The following SGCZ variants were observed in gnomAD, a reference collection of about 807,000 sequenced individuals.
The protein encoded by SGCZ is sarcoglycan zeta.
SGCZ carries 40 observed loss-of-function variants against 41.3 expected under a neutral mutation model. The observed-to-expected ratio is 0.97, with a 90% CI of 0.75 to 1.26. The LOEUF (loss-of-function observed/expected upper bound fraction) is 1.26. Among genes scored for constraint, SGCZ ranks in the 50% most tolerant of loss-of-function variants. The pLI, the probability that SGCZ is intolerant of heterozygous loss-of-function variation, is 0.00. For missense variants in SGCZ, 552 were observed against 369.8 expected (o/e 1.49, Z -4.04); for synonymous variants, 206 against 137.5 (o/e 1.50, Z -3.49).
At chr8:14,647,787 A>T (rs12155595) in intron 1 of SGCZ, among the ~76,000 whole-genome samples, 1 of 151,826 alleles carries the variant, frequency 6.6e-6, no homozygotes, top group Non-Finnish European at 1.5e-5. Flanking sequence ...GTGGGCAATG[A>T]CATCAAGATG....
chr8:14,760,288 T>A (rs1799820063), intron 1 of SGCZ, among the ~76,000 whole-genome samples: 1 of 152,194 alleles, frequency 6.6e-6, no homozygotes, highest in African/African-American at 2.4e-5. Context: ...AGAAAATCAT[T>A]ACACAACACC....
intron 1 of SGCZ, among the ~76,000 whole-genome samples, chr8:15,015,079 T>G (rs1476230912): frequency 2.0e-5 from 3 of 151,756 alleles, no homozygotes; most frequent in Non-Finnish European, 2.9e-5. Context: ...CCATCTCTAC[T>G]AAAAAATGCA....
At chr8:14,858,996 G>C (rs772145759) in intron 1 of SGCZ, among the ~76,000 whole-genome samples, 16 of 151,928 alleles carry the variant, frequency 1.1e-4, no homozygotes, top group African/African-American at 2.2e-4. Flanking sequence ...TTGAAAAAAA[G>C]ACCTAATATT....
At chr8:14,292,046 G>A (rs1253130091) in intron 3 of SGCZ, among the ~76,000 whole-genome samples, 2 of 151,966 alleles carry the variant, frequency 1.3e-5, no homozygotes, top group African/African-American at 4.8e-5. Context: ...TGTAATAGGT[G>A]GAAGCTTCTT....
intron 4 of SGCZ, among the ~76,000 whole-genome samples, chr8:14,221,885 CG>C (rs1806207548): frequency 6.6e-6 from 1 of 151,586 alleles, no homozygotes; most frequent in Non-Finnish European, 1.5e-5. Context: ...CGCTTGAACC[CG>C]GGAGGTGGAG....
intron 2 of SGCZ, among the ~76,000 whole-genome samples, chr8:14,422,859 T>A (rs1799671912): frequency 6.6e-6 from 1 of 152,126 alleles, no homozygotes; most frequent in African/African-American, 2.4e-5. Flanking sequence ...AGACCTCGTC[T>A]TTCTGAAAAA....
chr8:14,188,852 A>G (rs1409681000), intron 4 of SGCZ, among the ~76,000 whole-genome samples: 4 of 116,356 alleles, frequency 3.4e-5, no homozygotes, highest in African/African-American at 1.0e-4. Flanking sequence ...GTTTTTTGAG[A>G]TGGAGTTTCG....
intron 2 of SGCZ, among the ~76,000 whole-genome samples, chr8:14,336,871 G>A (rs1456446110): frequency 6.6e-6 from 1 of 152,078 alleles, no homozygotes; most frequent in African/African-American, 2.4e-5. Flanking sequence ...ATGGAAATCT[G>A]TATCTCATCC....
intron 1 of SGCZ, among the ~76,000 whole-genome samples, chr8:14,974,326 C>A (rs552521183): frequency 6.6e-6 from 1 of 152,222 alleles, no homozygotes; most frequent in African/African-American, 2.4e-5. Context: ...ATTTCTGTAA[C>A]TCCATTTTGT....
intron 1 of SGCZ, among the ~76,000 whole-genome samples, chr8:14,563,295 T>C (rs1393132763): frequency 6.6e-6 from 1 of 152,164 alleles, no homozygotes; most frequent in Non-Finnish European, 1.5e-5. Context: ...TTATTTTTAT[T>C]TTCTAAAATG....
At chr8:14,225,283 A>G (rs1806333631) in intron 4 of SGCZ, among the ~76,000 whole-genome samples, 1 of 152,064 alleles carries the variant, frequency 6.6e-6, no homozygotes, top group African/African-American at 2.4e-5. Context: ...GCTATTCTAA[A>G]TGATCTGCTG....
chr8:15,015,917 C>A (rs1803015493), intron 1 of SGCZ, among the ~76,000 whole-genome samples: 1 of 151,940 alleles, frequency 6.6e-6, no homozygotes, highest in African/African-American at 2.4e-5. Context: ...TCCATATCTC[C>A]TTTTTCATTT....
intron 2 of SGCZ, among the ~76,000 whole-genome samples, chr8:14,496,653 A>C (rs1801996444): frequency 6.6e-6 from 1 of 152,098 alleles, no homozygotes; most frequent in Non-Finnish European, 1.5e-5. Flanking sequence ...TTATTTTTTG[A>C]GACATTATCA....
chr8:14,163,208 T>A (rs149389031), intron 5 of SGCZ, among the ~76,000 whole-genome samples: 2 of 152,180 alleles, frequency 1.3e-5, no homozygotes. Flanking sequence ...ATGTGAAGGT[T>A]TGTTACAGAG....
intron 2 of SGCZ, among the ~76,000 whole-genome samples, chr8:14,489,287 G>C (rs909226832): frequency 2.0e-5 from 3 of 151,960 alleles, no homozygotes; most frequent in African/African-American, 7.2e-5. Flanking sequence ...CATTCACTGT[G>C]TCTACAATTT....
chr8:14,243,969 C>G (rs1381026379), intron 3 of SGCZ, among the ~76,000 whole-genome samples: 2 of 152,144 alleles, frequency 1.3e-5, no homozygotes. Flanking sequence ...CTCATACAGA[C>G]TTTTAAAAGT....
At chr8:14,873,707 G>T (rs1175282875) in intron 1 of SGCZ, among the ~76,000 whole-genome samples, 2 of 152,122 alleles carry the variant, frequency 1.3e-5, no homozygotes, top group Non-Finnish European at 1.5e-5. Flanking sequence ...GGAAGTCCAT[G>T]AGTAACCCCA....
chr8:14,202,119 T>G lies in SGCZ; in HGVS notation c.424+35473A>C, dbSNP rs540897130. Among the ~76,000 whole-genome samples, 11 of 152,208 alleles carry G rather than the reference T, an allele frequency of 7.2e-5. No homozygotes were observed. In the South Asian group the frequency reaches 1.7e-3, roughly 23 times the overall value. On this transcript the variant is annotated intron_variant, in intron 4 of 7. Coordinates refer to ENST00000382080, the MANE Select transcript of SGCZ (RefSeq NM_139167.4). ...AAAATAGGGAGAATATGCTGGATAA[T>G]CCCAATGTCATTACAGAGTCCTTAG...
chr8:15,153,046 A>G (rs1799227120), intron 1 of SGCZ, among the ~76,000 whole-genome samples: 1 of 152,234 alleles, frequency 6.6e-6, no homozygotes, highest in Non-Finnish European at 1.5e-5. Context: ...ATGGCCGTCA[A>G]TAACTTAACC....
Sources: gnomAD v4.1 joint callset for allele counts (sites outside exome capture counted in the v4.1 genomes callset) on GRCh38, gnomAD v4.1.1 for gene constraint, MANE v1.5 for transcripts, NCBI Gene and HGNC (gene_info 2026-07-23, HGNC 2026-07-21) for gene names.